Variants in ZNF74 observed in about 807,000 individuals in gnomAD.
ZNF74 encodes the protein zinc finger protein 520.
Under a neutral mutation model 17.7 loss-of-function variants are expected in ZNF74, and 12 were observed. The observed-to-expected ratio is 0.68, with a 90% CI of 0.43 to 1.10. ZNF74 has a LOEUF of 1.10. Ranked by LOEUF, ZNF74 falls within the 50% of genes least tolerant of loss-of-function variation. ZNF74 has a pLI of 0.00. For missense variants in ZNF74, 811 were observed against 881.0 expected (o/e 0.92, Z 1.01); for synonymous variants, 358 against 362.1 (o/e 0.99, Z 0.13).
Position 20,406,246 on chromosome 22 carries a change from G to GTGCATGAGAAGATCCACAGC in ZNF74, c.1214_1233dup (p.Gly412CysfsTer206), listed in dbSNP as rs779547380. 1 of 1,612,150 alleles carries GTGCATGAGAAGATCCACAGC rather than the reference G, an allele frequency of 6.2e-7. No individual in the cohort carries two copies. On this transcript the variant is annotated frameshift_variant, in exon 5 of 5. Coordinates refer to ENST00000400451, the MANE Select transcript of ZNF74 (RefSeq NM_003426.4). LOFTEE classifies it low-confidence loss of function (END_TRUNC). ...CTTCACCTGCCACTCATCCCTCACC[G>GTGCATGAGAAGATCCACAGC]TGCATGAGAAGATCCACAGCGGGGA...
chr22:20,406,599 C>T lies in ZNF74; in HGVS notation c.1566C>T (p.His522=), dbSNP rs2052433006. 6.2e-7 allele frequency: 1 copy of T among 1,614,156 alleles called. No homozygotes were observed. Among genetic ancestry groups the T allele is most frequent in the South Asian group, 1.1e-5 (1 of 91,094 alleles). The change falls in exon 5 of 5, where the codon CAC becomes CAT. Residue 522 remains histidine, a synonymous_variant. Coordinates refer to ENST00000400451, the MANE Select transcript of ZNF74 (RefSeq NM_003426.4). ...HSSLIVHQRI[H]TGEKPYKCSE... ...CCCTCATCGTGCACCAGCGCATCCA[C>T]ACCGGTGAGAAGCCCTACAAGTGCA...
rs74857782 is a variant in ZNF74 at position 20,395,738 on chromosome 22, G to T, written c.120+320G>T. On this transcript the variant is annotated intron_variant, in intron 2 of 4. Coordinates refer to ENST00000400451, the MANE Select transcript of ZNF74 (RefSeq NM_003426.4). Reference sequence around the variant, plus strand: ...GAAAGTAGTTGACGGCTCACATGGGGTCGCTTTGCCTATCCACGTGCTGGC... The same window carrying T: ...GAAAGTAGTTGACGGCTCACATGGGTTCGCTTTGCCTATCCACGTGCTGGC... Among the ~76,000 whole-genome samples the T allele has an allele frequency of 3.7e-3, 558 of 152,318 alleles. 2 individuals are homozygous for T. Among genetic ancestry groups the T allele is most frequent in the African/African-American group, 0.013 (546 of 41,566 alleles).
In ZNF74 at chr22:20,406,821, C is replaced by T. The variant is rs569785100; in HGVS notation, c.1788C>T (p.Tyr596=). The T allele has an allele frequency of 3.7e-3, 5,964 of 1,614,074 alleles. 18 individuals are homozygous for T. Among genetic ancestry groups the T allele is most frequent in the Non-Finnish European group, 4.1e-3 (4,806 of 1,180,010 alleles). The stretch of plus-strand genomic sequence containing the variant: ...TCAACAAACACCTGCTCAGCACATA[C>T]TACGTGCCTGGCAGCCTGCTGGGTG... The part of the protein sequence containing the change: ...IQFNKHLLST[Y]YVPGSLLGAG... The change falls in exon 5 of 5, where the codon TAC becomes TAT. Residue 596 remains tyrosine, a synonymous_variant. Transcript: ENST00000400451.
In ZNF74 at chr22:20,406,759, A is replaced by T. The variant is rs369878515; in HGVS notation, c.1726A>T (p.Arg576Trp). The stretch of plus-strand genomic sequence containing the variant: ...GAGCTCGCACCTCACTGAGCACCAG[A>T]GGCTGCACAGCGAGGGGAAGCCCTT... Reference protein sequence around the residue: ...NWSSHLTEHQRLHSEGKPLAI... With the variant: ...NWSSHLTEHQWLHSEGKPLAI... Residue 576 changes from arginine to tryptophan, a missense_variant, in exon 5 of 5, where the codon AGG becomes TGG. Arg to Trp is a moderately radical substitution (Grantham distance 101). This residue lies in a region of ZNF74 where 115 missense variants were observed against 119.5 expected (regional missense o/e 0.96). Coordinates refer to ENST00000400451, the MANE Select transcript of ZNF74 (RefSeq NM_003426.4). 10 of 1,614,038 alleles carry T rather than the reference A, an allele frequency of 6.2e-6. No homozygotes were observed. The highest frequency in any genetic ancestry group is 1.3e-5 in the African/African-American group (1 of 74,934).
At position 20,406,894 on chromosome 22, in the gene ZNF74, G is replaced by A. The variant is rs780692145; in HGVS notation, c.1861G>A (p.Val621Met). 37 of 1,613,938 alleles carry A rather than the reference G, an allele frequency of 2.3e-5. No individual in the cohort carries two copies. In the Middle Eastern group the frequency reaches 6.6e-4, roughly 29 times the overall value. The change falls in exon 5 of 5, where the codon GTG becomes ATG. Residue 621 changes from valine to methionine, a missense_variant. Coordinates refer to ENST00000400451, the MANE Select transcript of ZNF74 (RefSeq NM_003426.4). ...CGTGGATCCCATCGACGCGCTGGAT[G>A]TGGCAAAGCTCTTGTGCGTGGTTCC... ...RDVDPIDALD[V>M]AKLLCVVPPR...
At position 20,401,323 on chromosome 22, in the gene ZNF74, C is replaced by T. The variant is rs748950915; in HGVS notation, c.294C>T (p.Gly98=). ...KPDVISHLER[G]EEPWSMQREV... Reference sequence around the variant, plus strand: ...ATGTGATCTCTCATCTGGAACGAGGCGAGGAGCCATGGAGCATGCAGAGGG... The same window carrying T: ...ATGTGATCTCTCATCTGGAACGAGGTGAGGAGCCATGGAGCATGCAGAGGG... The change falls in exon 4 of 5, where the codon GGC becomes GGT. Residue 98 remains glycine, a synonymous_variant. Coordinates refer to ENST00000400451, the MANE Select transcript of ZNF74 (RefSeq NM_003426.4). This position sits in a 1 kb window ranked among gnomAD's most constrained non-coding sequence, Gnocchi z 4.2. The T allele has an allele frequency of 9.3e-6, 15 of 1,611,574 alleles. No individual in the cohort carries two copies. Among genetic ancestry groups the T allele is most frequent in the East Asian group, 6.7e-5 (3 of 44,806 alleles).
rs779029121 is a variant in ZNF74, at chr22:20,406,404, G to C, written c.1371G>C (p.Ala457=). 1 of 1,613,062 alleles carries C rather than the reference G, an allele frequency of 6.2e-7. No individual in the cohort carries two copies. Among genetic ancestry groups the C allele is most frequent in the Non-Finnish European group, 8.5e-7 (1 of 1,179,828 alleles). ...GCGGGAAGGGCTTCAGCTGCCACGC[G>C]TACCTGCTCGTGCACCGGCGCATCC... ...ADCGKGFSCH[A]YLLVHRRIHS... Residue 457 remains alanine, a synonymous_variant, in exon 5 of 5, where the codon GCG becomes GCC. Transcript: ENST00000400451.
intron 4 of ZNF74, among the ~76,000 whole-genome samples, chr22:20,403,667 G>T (rs1158118543): frequency 1.3e-5 from 2 of 152,114 alleles, no homozygotes; most frequent in Non-Finnish European, 2.9e-5. Context: ...ACTTTGGGAG[G>T]CCAAGGCAGG....
chr22:20,400,901 A>ATG, intron 3 of ZNF74, 143 bp downstream of exon 3: 1 of 1,050,470 alleles, frequency 9.5e-7, no homozygotes, highest in Non-Finnish European at 1.4e-6. Flanking sequence ...TGGGGCACTC[A>ATG]TGGCCAGGGG....
In ZNF74 at chr22:20,406,124, A is replaced by G; in HGVS notation, c.1091A>G (p.Glu364Gly). The G allele has an allele frequency of 1.2e-6, 2 of 1,613,532 alleles. No individual in the cohort carries two copies. The highest frequency in any genetic ancestry group is 1.7e-6 in the Non-Finnish European group (2 of 1,179,828). ...HTGEKPYRCG[E>G]CGKAFNQRTH... is the part of the protein sequence containing the mutation. ...GGCGAGAAGCCCTACCGGTGCGGCGAGTGCGGCAAGGCCTTCAACCAGCGT... is the reference window on the plus strand; with the variant it reads ...GGCGAGAAGCCCTACCGGTGCGGCGGGTGCGGCAAGGCCTTCAACCAGCGT... The change falls in exon 5 of 5, where the codon GAG becomes GGG. Residue 364 changes from glutamate (E) to glycine (G), a missense_variant. Physicochemically the swap from Glu to Gly is moderately conservative, Grantham distance 98. Around this residue, in one of 3 missense-constraint regions of ZNF74, gnomAD observed 666 missense variants for 702.3 expected, o/e 0.95. Coordinates refer to ENST00000400451, the MANE Select transcript of ZNF74 (RefSeq NM_003426.4).
In ZNF74 at chr22:20,394,288, G is replaced by A; in HGVS notation, c.-341G>A. The A allele has an allele frequency of 1.4e-6, 1 of 705,734 alleles. No homozygotes were observed. The highest frequency in any genetic ancestry group is 1.5e-5 in the South Asian group (1 of 67,180). 43.7% of individuals were successfully genotyped at this position (705,734 alleles called of 1,614,324 possible). A position where few individuals can be genotyped will look rare whatever the true frequency, so the allele number is the denominator to read the frequency against. Reference sequence around the variant, plus strand: ...TCCGCTGGTCGCTCCGCGTCCGATGGCTCCTGGCCGCGGAACCTTAGGCCT... The same window carrying A: ...TCCGCTGGTCGCTCCGCGTCCGATGACTCCTGGCCGCGGAACCTTAGGCCT... On this transcript the variant is annotated 5_prime_UTR_variant, in exon 1 of 5. Transcript: ENST00000400451.
intron 2 of ZNF74, 161 bp from the exon 3 acceptor site, chr22:20,400,471 C>T: frequency 1.3e-6 from 1 of 775,502 alleles, no homozygotes; most frequent in East Asian, 2.7e-5. Flanking sequence ...CCCCTGGTCC[C>T]CGAATTCAGT....
At chr22:20,404,824 T>C (rs1053911328) in intron 4 of ZNF74, among the ~76,000 whole-genome samples, 4 of 152,152 alleles carry the variant, frequency 2.6e-5, no homozygotes, top group Admixed American at 6.5e-5. Flanking sequence ...TTGTTAGTCC[T>C]AGCTACTCGG....
chr22:20,403,629 C>G (rs570506722), intron 4 of ZNF74, among the ~76,000 whole-genome samples: 52 of 152,064 alleles, frequency 3.4e-4, no homozygotes, highest in South Asian at 8.3e-4. Flanking sequence ...TTATGCCAGG[C>G]ACAGGGACTC....
Position 20,406,736 on chromosome 22 carries a change from G to C in ZNF74, c.1703G>C (p.Ser568Thr). The change falls in exon 5 of 5, where the codon AGC becomes ACC. Residue 568 changes from serine (S) to threonine (T), a missense_variant. Ser to Thr is a moderately conservative substitution (Grantham distance 58). Transcript: ENST00000400451. ...AAATGTGGGGAGATGTTCAACTGGA[G>C]CTCGCACCTCACTGAGCACCAGAGG... ...CEKCGEMFNW[S>T]SHLTEHQRLH... The C allele has an allele frequency of 1.2e-6, 2 of 1,614,196 alleles. No homozygotes were observed. The highest frequency in any genetic ancestry group is 1.7e-6 in the Non-Finnish European group (2 of 1,180,046).
chr22:20,394,756 A>G, intron 1 of ZNF74, 94 bp downstream of exon 1: 1 of 1,226,016 alleles, frequency 8.2e-7, no homozygotes, highest in Non-Finnish European at 1.2e-6. Context: ...AGAAGCATCC[A>G]GCATCTTTTT....
intron 2 of ZNF74, chr22:20,399,580 T>TC (rs1569092256): frequency 2.4e-5 from 10 of 413,984 alleles, no homozygotes; most frequent in Non-Finnish European, 3.8e-5. Context: ...CCTTTTTTTT[T>TC]TTTTCTTTTG....
chr22:20,403,176 C>G (rs141121220), intron 4 of ZNF74, among the ~76,000 whole-genome samples: 3 of 152,086 alleles, frequency 2.0e-5, no homozygotes, highest in South Asian at 2.1e-4. Context: ...CCTCTTCTCT[C>G]TGCTCTGTGC....
In ZNF74 at chr22:20,399,407, G is replaced by A. The variant is rs533324987; in HGVS notation, c.121-1225G>A. The A allele has an allele frequency of 2.1e-5, 4 of 189,852 alleles. No individual in the cohort carries two copies. The East Asian group carries it at 5.4e-4, about 26-fold the overall frequency. 11.8% of individuals were successfully genotyped at this position (189,852 alleles called of 1,614,324 possible). A position where few individuals can be genotyped will look rare whatever the true frequency, so the allele number is the denominator to read the frequency against. On this transcript the variant is annotated intron_variant, in intron 2 of 4. Transcript: ENST00000400451. ...TTTTTTTTTTAAATTAGTATTTGCAGGGTTTATCTTTTTCTATCCTATCAC... is the reference window on the plus strand; with the variant it reads ...TTTTTTTTTTAAATTAGTATTTGCAAGGTTTATCTTTTTCTATCCTATCAC...
Sources: gnomAD v4.1 joint callset for allele counts (sites outside exome capture counted in the v4.1 genomes callset) on GRCh38, gnomAD v4.1.1 for gene constraint, gnomAD v4.1.1 regional missense constraint, Gnocchi (gnomAD v3.1) non-coding constraint, MANE v1.5 for transcripts, NCBI Gene and HGNC (gene_info 2026-07-23, HGNC 2026-07-21) for gene names.